The following THOC5 variants were observed in gnomAD, a reference collection of about 807,000 sequenced individuals.
THOC5 encodes THO complex subunit 5.
In THOC5, 43 loss-of-function variants were observed where a neutral mutation model predicts 92.9. The observed-to-expected ratio is 0.46, with a 90% CI of 0.36 to 0.60. The LOEUF (loss-of-function observed/expected upper bound fraction) is 0.60, where lower values mean the gene tolerates loss of function less well. THOC5 is among the 20% of genes least tolerant of loss of function. The pLI, the probability that THOC5 is intolerant of heterozygous loss-of-function variation, is 0.00. For missense variants in THOC5, 659 were observed against 849.4 expected, an observed-to-expected ratio of 0.78 and a Z score of 2.79; for synonymous variants, 296 against 320.1, an observed-to-expected ratio of 0.92 and a Z score of 0.80.
chr22:29,519,461 G>A (rs1456669445), intron 14 of THOC5, among the ~76,000 whole-genome samples: 2 of 152,204 alleles, frequency 1.3e-5, no homozygotes, highest in Non-Finnish European at 1.5e-5. Context: ...GAGTCCCAGA[G>A]CAAGGACTCA....
chr22:29,514,782 GCAAGCTC>G, intron 17 of THOC5, among the ~76,000 whole-genome samples: 1 of 150,914 alleles, frequency 6.6e-6, no homozygotes. Flanking sequence ...TTGGCTCACT[GCAAGCTC>G]GAACCTTCCG....
At chr22:29,539,270 T>G in intron 6 of THOC5, 60 bp downstream of exon 6, 1 of 1,567,364 alleles carries the variant, frequency 6.4e-7, no homozygotes, top group Non-Finnish European at 8.7e-7. Flanking sequence ...TGCCTTATCC[T>G]GGGTCATGAC....
chr22:29,522,862 A>G (rs1277926894), intron 12 of THOC5, among the ~76,000 whole-genome samples: 8 of 152,084 alleles, frequency 5.3e-5, no homozygotes, highest in African/African-American at 1.9e-4. Flanking sequence ...TTAGCCCAGC[A>G]TGGTGGCACG....
intron 2 of THOC5, 81 bp downstream of exon 2, chr22:29,548,971 C>A: frequency 7.1e-7 from 1 of 1,411,894 alleles, no homozygotes; most frequent in Non-Finnish European, 9.8e-7. Flanking sequence ...GATGCGACCC[C>A]GAGCTGCTGC....
chr22:29,511,115 C>T lies in THOC5; in HGVS notation c.1979G>A (p.Arg660Gln), dbSNP rs371492673. ...CCAACCCTCTCCTCACCTGAAGAGC[C>T]GCAGACACATCTTCTCCTGGGGAAA... The part of the protein sequence containing the change: ...KEFPQEKMCL[R>Q]LFRGPSRMKP... The change falls in exon 19 of 20, where the codon CGG becomes CAG. Residue 660 changes from arginine (R) to glutamine (Q), a missense_variant. Transcript: ENST00000490103. 7 of 1,613,958 alleles carry T rather than the reference C, an allele frequency of 4.3e-6. No homozygotes were observed. Among genetic ancestry groups the T allele is most frequent in the East Asian group, 4.5e-5 (2 of 44,874 alleles).
chr22:29,523,576 G>A (rs1281924801), intron 12 of THOC5, among the ~76,000 whole-genome samples: 1 of 152,122 alleles, frequency 6.6e-6, no homozygotes, highest in Non-Finnish European at 1.5e-5. Flanking sequence ...ATCCAGACTA[G>A]GTAGAACCTA....
In THOC5 at chr22:29,544,482, T is replaced by C. The variant is rs199913081; in HGVS notation, c.218A>G (p.Lys73Arg). 2.9e-5 allele frequency: 46 copies of C among 1,613,718 alleles called. No individual in the cohort carries two copies. Among genetic ancestry groups the C allele is most frequent in the Non-Finnish European group, 3.8e-5 (45 of 1,179,970 alleles). Residue 73 changes from lysine (K) to arginine (R), a missense_variant, in exon 3 of 20, where the codon AAG (lysine) becomes AGG (arginine). Physicochemically the swap from Lys to Arg is conservative, Grantham distance 26. Transcript: ENST00000490103. The part of the protein sequence containing the change: ...QRLMAEIQDL[K>R]SRGGKDVAIE... ...TACCACATCCTTGCCACCCCTGCTC[T>C]TCAGGTCTTGGATCTCAGCCATCAG... is the stretch of plus-strand genomic sequence containing the variant.
At chr22:29,532,143 CAGTA>C (rs1051819794) in intron 7 of THOC5, among the ~76,000 whole-genome samples, 180 bp from the exon 8 acceptor site, 1 of 152,108 alleles carries the variant, frequency 6.6e-6, no homozygotes. Flanking sequence ...TAGCAACAAA[CAGTA>C]AGGAAATAAA....
chr22:29,528,332 C>T lies in THOC5; in HGVS notation c.966+94G>A, dbSNP rs542850603. On this transcript the variant is annotated intron_variant, in intron 10 of 19. Coordinates refer to ENST00000490103, the MANE Select transcript of THOC5 (RefSeq NM_003678.5). ...CCTCCCAGCAGCACCTTCTTTCACA[C>T]CTCTTCTGCTTCTAGGGAGGACGGC... 352 of 1,614,042 alleles carry T rather than the reference C, an allele frequency of 2.2e-4. 2 individuals are homozygous for T. Among genetic ancestry groups the T allele is most frequent in the South Asian group, 4.4e-4 (40 of 91,078 alleles).
At chr22:29,537,365 G>T (rs924673956) in intron 6 of THOC5, among the ~76,000 whole-genome samples, 45 of 152,226 alleles carry the variant, frequency 3.0e-4, no homozygotes, top group Non-Finnish European at 8.8e-5. Context: ...ACTCGGCCGG[G>T]AATGGTGGCT....
chr22:29,526,511 A>G (rs1400372756), intron 11 of THOC5, among the ~76,000 whole-genome samples: 3 of 152,044 alleles, frequency 2.0e-5, no homozygotes, highest in Non-Finnish European at 2.9e-5. Flanking sequence ...CAGCCTGGGC[A>G]ACAGAGCGAG....
Position 29,505,988 on chromosome 22 carries a change from T to C in THOC5, c.*2469A>G, listed in dbSNP as rs1339588592. 1 of 151,754 alleles carries C rather than the reference T, an allele frequency of 6.6e-6. No individual in the cohort carries two copies. The highest frequency in any genetic ancestry group is 1.5e-5 in the Non-Finnish European group (1 of 67,988). 9.4% of individuals were successfully genotyped at this position (151,754 alleles called of 1,614,324 possible). A position where few individuals can be genotyped will look rare whatever the true frequency, so the allele number is the denominator to read the frequency against. ...AATTCTCCTGCCTCAGCCTCCCGAG[T>C]GGCTGGGATTACAGGCGCGCACCAC... On this transcript the variant is annotated 3_prime_UTR_variant, in exon 20 of 20. Transcript: ENST00000490103.
Position 29,531,934 on chromosome 22 carries a change from A to T in THOC5, c.744T>A (p.Phe248Leu). ...QASLPVQEYLFMPFDQAHKQY... is the reference protein window; with the variant it reads ...QASLPVQEYLLMPFDQAHKQY... ...GCTTGTGAGCCTGGTCGAATGGCAT[A>T]AACAGGTACTCCTGCACCGGAAGGG... The change falls in exon 8 of 20, where the codon TTT (phenylalanine) becomes TTA (leucine). Residue 248 changes from phenylalanine (F) to leucine (L), a missense_variant. By Grantham distance (22) the Phe-to-Leu change is conservative. Transcript: ENST00000490103. 6.2e-7 allele frequency: 1 copy of T among 1,614,214 alleles called. No individual in the cohort carries two copies. The highest frequency in any genetic ancestry group is 1.1e-5 in the South Asian group (1 of 91,080).
Position 29,516,848 on chromosome 22 carries a change from T to C in THOC5, c.1681+181A>G, listed in dbSNP as rs16987746. 9.4e-3 allele frequency among the ~76,000 whole-genome samples: 1,426 copies of C among 152,348 alleles called. 86 individuals are homozygous for C. In the East Asian group the frequency reaches 0.15, roughly 16 times the overall value. ...TAGGACTGCAGTGAGGGTTCAGTGA[T>C]ACACAGCGTGTGTGTGACTGTGTTG... On this transcript the variant is annotated intron_variant, in intron 17 of 19. Coordinates refer to ENST00000490103, the MANE Select transcript of THOC5 (RefSeq NM_003678.5).
At position 29,536,676 on chromosome 22, in the gene THOC5, A is replaced by C. The variant is rs751983589; in HGVS notation, c.662T>G (p.Val221Gly). 1.2e-6 allele frequency: 2 copies of C among 1,613,648 alleles called. No individual in the cohort carries two copies. The highest frequency in any genetic ancestry group is 3.3e-5 in the Admixed American group (2 of 59,996). Residue 221 changes from valine to glycine, a missense_variant, in exon 7 of 20, where the codon GTG becomes GGG. Coordinates refer to ENST00000490103, the MANE Select transcript of THOC5 (RefSeq NM_003678.5). ...NKEKILKEIE[V>G]KKEYLSSLQP... is the part of the protein sequence containing the mutation. Reference sequence around the variant, plus strand: ...GAGGCTGCTCAGGTACTCCTTCTTCACCTCAATCTCCTTGAGAATCTTCTC... The same window carrying C: ...GAGGCTGCTCAGGTACTCCTTCTTCCCCTCAATCTCCTTGAGAATCTTCTC...
intron 7 of THOC5, 198 bp downstream of exon 7, chr22:29,536,426 T>C (rs1437770676): frequency 5.3e-6 from 3 of 565,958 alleles, no homozygotes; most frequent in Admixed American, 3.1e-5. Flanking sequence ...GGTCAATGTG[T>C]GTATATATTC....
chr22:29,550,319 A>G (rs2064116046), intron 1 of THOC5, among the ~76,000 whole-genome samples: 1 of 151,526 alleles, frequency 6.6e-6, no homozygotes, highest in African/African-American at 2.4e-5. Flanking sequence ...GCTCTTAACT[A>G]CACTTTTATG....
chr22:29,519,014 G>A lies in THOC5; in HGVS notation c.1481C>T (p.Ala494Val), dbSNP rs372598011. The A allele has an allele frequency of 2.5e-6, 4 of 1,601,682 alleles. No homozygotes were observed. In the African/African-American group the frequency reaches 5.4e-5, roughly 21 times the overall value. ...QSRLALHKQF[A>V]SLEHGIVPVT... is the part of the protein sequence containing the mutation. ...CCCCATCATCAGCTTACCTAGGGATGCAAACTGTTTGTGGAGGGCCAGGCG... is the reference window on the plus strand; with the variant it reads ...CCCCATCATCAGCTTACCTAGGGATACAAACTGTTTGTGGAGGGCCAGGCG... Residue 494 changes from alanine (A) to valine (V), a missense_variant, in exon 15 of 20, where the codon GCA becomes GTA. Physicochemically the swap from Ala to Val is moderately conservative, Grantham distance 64. Transcript: ENST00000490103.
rs373129453 is a variant in THOC5 at position 29,508,337 on chromosome 22, C to T, written c.*120G>A. The T allele has an allele frequency of 1.1e-4, 120 of 1,086,628 alleles. No individual in the cohort carries two copies. The highest frequency in any genetic ancestry group is 2.5e-4 in the Middle Eastern group (1 of 3,936). 67.3% of individuals were successfully genotyped at this position (1,086,628 alleles called of 1,614,324 possible). ...CAGACAAAGGCCACTGGTCAGGTGA[C>T]GCTTTTTAATTGGCTGGTGTCTTTG... On this transcript the variant is annotated 3_prime_UTR_variant, in exon 20 of 20. Coordinates refer to ENST00000490103, the MANE Select transcript of THOC5 (RefSeq NM_003678.5).
Sources: gnomAD v4.1 joint callset for allele counts (sites outside exome capture counted in the v4.1 genomes callset) on GRCh38, gnomAD v4.1.1 for gene constraint, MANE v1.5 for transcripts, NCBI Gene and HGNC (gene_info 2026-07-23, HGNC 2026-07-21) for gene names.